ABCA8: variants seen among roughly 807,000 people sequenced by gnomAD.
ABCA8 encodes the protein ATP binding cassette subfamily A member 8.
A neutral mutation model predicts 192.3 loss-of-function variants in ABCA8; 177 were observed. The ratio of observed to expected loss-of-function variants is 0.92; its 90% CI spans 0.81 to 1.04. ABCA8 has a LOEUF of 1.04. Ranked by LOEUF, ABCA8 falls within the 50% of genes least tolerant of loss-of-function variation. The pLI is 0.00. For missense variants in ABCA8, 1,915 were observed against 1,904.8 expected, an observed-to-expected ratio of 1.01 and a Z score of -0.10; for synonymous variants, 642 against 690.2, an observed-to-expected ratio of 0.93 and a Z score of 1.09.
At chr17:68,914,192 A>G (rs1233596676) in intron 17 of ABCA8, among the ~76,000 whole-genome samples, 3 of 152,138 alleles carry the variant, frequency 2.0e-5, no homozygotes, top group Non-Finnish European at 4.4e-5. Context: ...TACAGATAGT[A>G]TCATACTCAA....
rs149928780 is a variant in ABCA8 at position 68,932,337 on chromosome 17, T to C, written c.748A>G (p.Arg250Gly). The C allele has an allele frequency of 5.3e-5, 85 of 1,613,772 alleles. No homozygotes were observed. The African/African-American group carries it at 9.5e-4, about 18-fold the overall frequency. Residue 250 changes from arginine to glycine, a missense_variant, in exon 7 of 40, where the codon AGG (arginine) becomes GGG (glycine). Physicochemically the swap from Arg to Gly is moderately radical, Grantham distance 125. Transcript: ENST00000586539. ...ATCATTGTCATCAAGGCCTTCATCC[T>C]TTTCCTCTCTCTTGTGACATTAACA... is the stretch of plus-strand genomic sequence containing the variant. The part of the protein sequence containing the change: ...ASVNVTRERK[R>G]MKALMTMMGL...
At chr17:68,937,223 T>TA (rs921638176) in intron 4 of ABCA8, 108 bp from the exon 5 acceptor site, 2 of 942,408 alleles carry the variant, frequency 2.1e-6, no homozygotes, top group African/African-American at 3.5e-5. Context: ...AATAAAACAT[T>TA]ATCAAGTATT....
rs143752227 is a variant in ABCA8 at position 68,889,296 on chromosome 17, T to C, written c.3145-1790A>G. 4.5e-4 allele frequency among the ~76,000 whole-genome samples: 68 copies of C among 152,316 alleles called. 1 individual carries two copies. Among genetic ancestry groups the C allele is most frequent in the African/African-American group, 1.6e-3 (66 of 41,582 alleles). On this transcript the variant is annotated intron_variant, in intron 24 of 39. Transcript: ENST00000586539. ...GAGTTGGCCTGGGTTATTAATCATA[T>C]AAATTCACCGCCTAAGATTGCCACT...
intron 24 of ABCA8, among the ~76,000 whole-genome samples, chr17:68,891,238 C>CA (rs1555608047): frequency 1.3e-5 from 2 of 149,848 alleles, no homozygotes; most frequent in Non-Finnish European, 3.0e-5. Flanking sequence ...TCCAGCTTTG[C>CA]TTTTTTTTTC....
Position 68,929,597 on chromosome 17 carries a change from T to A in ABCA8, c.903A>T (p.Val301=), listed in dbSNP as rs1464704917. The change falls in exon 8 of 40, where the codon GTA becomes GTT. Residue 301 remains valine (V), a synonymous_variant. Transcript: ENST00000586539. The part of the protein sequence containing the change: ...TQFIILSGFM[V]VFSLFLLYGL... ...CATACAGGAGAAAGAGGCTGAAGAC[T>A]ACCATGAAGCCAGACAAAATGATAA... 1 of 1,613,618 alleles carries A rather than the reference T, an allele frequency of 6.2e-7. No individual in the cohort carries two copies. The highest frequency in any genetic ancestry group is 1.3e-5 in the African/African-American group (1 of 74,886).
intron 13 of ABCA8, 112 bp from the exon 14 acceptor site, chr17:68,919,588 C>A: frequency 1.1e-6 from 1 of 939,604 alleles, no homozygotes. Context: ...ACAATTCAGG[C>A]ATTAGAAACT....
At position 68,922,194 on chromosome 17, in the gene ABCA8, C is replaced by CTTTTTTTT. The variant is rs201226205; in HGVS notation, c.1501+40_1501+47dup. 7.3e-4 allele frequency: 382 copies of CTTTTTTTT among 526,806 alleles called. 4 individuals are homozygous for CTTTTTTTT. Among genetic ancestry groups the CTTTTTTTT allele is most frequent in the Admixed American group, 1.5e-3 (17 of 11,286 alleles). The allele number at this position is 526,806 out of a possible 1,614,324, so 32.6% of individuals were successfully genotyped here. On this transcript the variant is annotated intron_variant, in intron 12 of 39. Transcript: ENST00000586539. ...TAACAAATATTTTCTTTCTCTCTCT[C>CTTTTTTTT]TTTTTTTTTTTTTTTTTTTTTTTTT...
chr17:68,925,845 T>C (rs1280117076), intron 10 of ABCA8, among the ~76,000 whole-genome samples: 1 of 152,230 alleles, frequency 6.6e-6, no homozygotes, highest in African/African-American at 2.4e-5. Context: ...GTCATTCTTA[T>C]TTATTATCTT....
rs1260547931 is a variant in ABCA8, at chr17:68,869,892, T to C, written c.4632-113A>G. The C allele has an allele frequency of 1.4e-5, 10 of 714,430 alleles. No individual in the cohort carries two copies. In the African/African-American group the frequency reaches 1.8e-4, roughly 13 times the overall value. The allele number at this position is 714,430 out of a possible 1,614,324, so 44.3% of individuals were successfully genotyped here. A position where few individuals can be genotyped will look rare whatever the true frequency, so the allele number is the denominator to read the frequency against. ...TTTAAAAAATGGTGTTAGGAACATT[T>C]AACATGAGATCTACCCTGTTAACAA... is the stretch of plus-strand genomic sequence containing the variant. On this transcript the variant is annotated intron_variant, in intron 37 of 39. Transcript: ENST00000586539.
At chr17:68,885,933 A>G (rs1361299509) in intron 26 of ABCA8, among the ~76,000 whole-genome samples, 1 of 152,222 alleles carries the variant, frequency 6.6e-6, no homozygotes, top group Non-Finnish European at 1.5e-5. Flanking sequence ...ATTGAAATTG[A>G]TATCTAACAG....
At chr17:68,880,985 A>C (rs1222138579) in intron 32 of ABCA8, 135 bp downstream of exon 32, 2 of 690,292 alleles carry the variant, frequency 2.9e-6, no homozygotes. Context: ...ATAATTCGTG[A>C]ATTTATTCTC....
At chr17:68,918,275 CAG>C in intron 15 of ABCA8, 90 bp from the exon 16 acceptor site, 1 of 1,535,306 alleles carries the variant, frequency 6.5e-7, no homozygotes, top group South Asian at 1.2e-5. Context: ...TTATATTTAA[CAG>C]AGTATTACGG....
chr17:68,890,639 C>T (rs1028149733), intron 24 of ABCA8, among the ~76,000 whole-genome samples: 7 of 152,166 alleles, frequency 4.6e-5, no homozygotes, highest in African/African-American at 1.7e-4. Context: ...CTGCCTCAGC[C>T]TCCTGAGTAG....
chr17:68,944,678 G>C (rs1258301449), intron 2 of ABCA8: 1 of 151,938 alleles, frequency 6.6e-6, no homozygotes, highest in East Asian at 1.9e-4. Flanking sequence ...TGGAGGGAGA[G>C]GAAGGAAACC....
rs749953016 is a variant in ABCA8 at position 68,907,529 on chromosome 17, A to G, written c.2278+211T>C. 4.6e-5 allele frequency among the ~76,000 whole-genome samples: 7 copies of G among 152,196 alleles called. No individual in the cohort carries two copies. The East Asian group carries it at 7.7e-4, about 17-fold the overall frequency. ...GAAGAAGGACTAAAAGAAGCCCTCT[A>G]AAATGCCCAGGCATTACAATACAAC... is the stretch of plus-strand genomic sequence containing the variant. On this transcript the variant is annotated intron_variant, in intron 18 of 39. Coordinates refer to ENST00000586539, the MANE Select transcript of ABCA8 (RefSeq NM_001288985.2).
chr17:68,871,085 T>C (rs1340045720), intron 37 of ABCA8, among the ~76,000 whole-genome samples: 1 of 152,162 alleles, frequency 6.6e-6, no homozygotes, highest in African/African-American at 2.4e-5. Context: ...GGGCAATTTA[T>C]AATAAAAATA....
Position 68,908,019 on chromosome 17 carries a change from A to G in ABCA8, c.2139-140T>C, listed in dbSNP as rs144617278. The G allele has an allele frequency of 1.9e-4, 151 of 798,842 alleles. No individual in the cohort carries two copies. The African/African-American group carries it at 2.4e-3, about 13-fold the overall frequency. 49.5% of individuals were successfully genotyped at this position (798,842 alleles called of 1,614,324 possible). A position where few individuals can be genotyped will look rare whatever the true frequency, so the allele number is the denominator to read the frequency against. On this transcript the variant is annotated intron_variant, in intron 17 of 39. Coordinates refer to ENST00000586539, the MANE Select transcript of ABCA8 (RefSeq NM_001288985.2). ...GAAATAGGTCAGACAAACACAAAAT[A>G]AGAGGACAAAAACCCAAGAAATAAG...
chr17:68,902,643 C>A, intron 21 of ABCA8, 70 bp downstream of exon 21: 1 of 1,279,264 alleles, frequency 7.8e-7, no homozygotes, highest in South Asian at 2.0e-5. Context: ...TTTTCTTTCT[C>A]ATGGTTATGT....
chr17:68,895,146 C>T (rs997410535), intron 21 of ABCA8, 133 bp from the exon 22 acceptor site: 27 of 565,956 alleles, frequency 4.8e-5, no homozygotes, highest in Non-Finnish European at 7.2e-5. Flanking sequence ...ACATAACATA[C>T]ATAACATCTA....
Sources: allele counts gnomAD v4.1 joint callset (sites outside exome capture counted in the v4.1 genomes callset), GRCh38; gene constraint gnomAD v4.1.1; transcripts MANE v1.5; gene names NCBI Gene and HGNC (gene_info 2026-07-23, HGNC 2026-07-21).